RAP1GAP2: variants seen among roughly 807,000 people sequenced by gnomAD.
The protein encoded by RAP1GAP2 is RAP1 GTPase activating protein 2, also known as rap1 GTPase-activating protein 2.
In RAP1GAP2, 27 loss-of-function variants were observed where a neutral mutation model predicts 95.0. The ratio of observed to expected loss-of-function variants is 0.28; its 90% CI spans 0.21 to 0.39. The LOEUF (loss-of-function observed/expected upper bound fraction) is 0.39. Among genes scored for constraint, RAP1GAP2 ranks in the 10% least tolerant of loss-of-function variants. The pLI, the probability that RAP1GAP2 is intolerant of heterozygous loss-of-function variation, is 1.00. For missense variants in RAP1GAP2, 771 were observed against 970.0 expected (o/e 0.79, Z 2.72); for synonymous variants, 373 against 380.9 (o/e 0.98, Z 0.24).
chr17:2,998,210 T>C lies in RAP1GAP2; in HGVS notation c.1045-11T>C. ...TAACTGGCTTATAACCTCTCAACACTTTTTATTTAGCTCCAGAGAAAGAGA... is the reference window on the plus strand; with the variant it reads ...TAACTGGCTTATAACCTCTCAACACCTTTTATTTAGCTCCAGAGAAAGAGA... On this transcript the variant is annotated splice_polypyrimidine_tract_variant and intron_variant, in intron 13 of 24. Coordinates refer to ENST00000254695, the MANE Select transcript of RAP1GAP2 (RefSeq NM_015085.5). 1 of 1,612,854 alleles carries C rather than the reference T, an allele frequency of 6.2e-7. No homozygotes were observed. Among genetic ancestry groups the C allele is most frequent in the Non-Finnish European group, 8.5e-7 (1 of 1,178,924 alleles).
intron 2 of RAP1GAP2, among the ~76,000 whole-genome samples, chr17:2,883,070 G>A (rs1014859417): frequency 6.6e-6 from 1 of 152,216 alleles, no homozygotes; most frequent in Admixed American, 6.5e-5. Flanking sequence ...CTTGGTCGGG[G>A]TTATGTGAAG....
intron 4 of RAP1GAP2, among the ~76,000 whole-genome samples, chr17:2,958,420 T>C (rs534349122): frequency 1.3e-5 from 2 of 152,090 alleles, no homozygotes; most frequent in East Asian, 3.9e-4. Flanking sequence ...GCTGCTGCCC[T>C]GGGGAGTATG....
At chr17:2,893,909 C>T (rs73312056) in intron 2 of RAP1GAP2, among the ~76,000 whole-genome samples, 86 of 152,366 alleles carry the variant, frequency 5.6e-4, no homozygotes, top group African/African-American at 2.0e-3. Context: ...CCCTGAGCAC[C>T]GCCCTTCCAG....
chr17:2,781,004 A>C (rs2068632683), intron 1 of RAP1GAP2, among the ~76,000 whole-genome samples: 1 of 152,172 alleles, frequency 6.6e-6, no homozygotes, highest in African/African-American at 2.4e-5. Context: ...AGATGGTTCT[A>C]AGGGCATTCC....
chr17:3,010,678 T>C (rs1158261783), intron 17 of RAP1GAP2, among the ~76,000 whole-genome samples: 1 of 152,138 alleles, frequency 6.6e-6, no homozygotes, highest in Non-Finnish European at 1.5e-5. Flanking sequence ...GTCTGACGTA[T>C]TCCTAGAGGG....
intron 2 of RAP1GAP2, among the ~76,000 whole-genome samples, chr17:2,854,995 A>G (rs558281541): frequency 1.3e-5 from 2 of 152,268 alleles, no homozygotes; most frequent in South Asian, 4.1e-4. Context: ...TGGAATGGTT[A>G]ATACCGCACC....
intron 2 of RAP1GAP2, among the ~76,000 whole-genome samples, chr17:2,874,965 T>G (rs549266620): frequency 2.6e-5 from 4 of 152,258 alleles, no homozygotes; most frequent in African/African-American, 9.6e-5. Context: ...AGAAAATTAA[T>G]ATAGAGAGTT....
At chr17:2,828,644 C>G (rs2070695101) in intron 2 of RAP1GAP2, among the ~76,000 whole-genome samples, 1 of 152,130 alleles carries the variant, frequency 6.6e-6, no homozygotes, top group Non-Finnish European at 1.5e-5. Flanking sequence ...CCGGGCATGG[C>G]TGGGAGAGCA....
chr17:2,775,315 C>A (rs911641641), upstream of RAP1GAP2, among the ~76,000 whole-genome samples: 4 of 152,226 alleles, frequency 2.6e-5, no homozygotes, highest in East Asian at 7.7e-4. Context: ...ATATGACCAG[C>A]GTGCTGAAGA....
At chr17:2,859,444 A>C (rs989828034) in intron 2 of RAP1GAP2, among the ~76,000 whole-genome samples, 1 of 150,394 alleles carries the variant, frequency 6.6e-6, no homozygotes, top group Admixed American at 6.6e-5. Context: ...ATTTTAATTT[A>C]ATTTTTTTGG....
intron 2 of RAP1GAP2, among the ~76,000 whole-genome samples, chr17:2,835,809 T>C (rs1370259320): frequency 6.6e-6 from 1 of 152,228 alleles, no homozygotes; most frequent in Non-Finnish European, 1.5e-5. Context: ...ATGCTTCCTT[T>C]TTTTATTCCC....
rs186554148 is a variant in RAP1GAP2 at position 2,999,000 on chromosome 17, A to G, written c.1200+624A>G. On this transcript the variant is annotated intron_variant, in intron 14 of 24. Transcript: ENST00000254695. ...GCCTGGTAGACCCTGGCCACTGGGT[A>G]AGGCCCTGGCCTGGCTGTTTTGGAC... Among the ~76,000 whole-genome samples the G allele has an allele frequency of 5.1e-4, 78 of 152,282 alleles. 2 individuals carry two copies. Among genetic ancestry groups the G allele is most frequent in the East Asian group, 2.1e-3 (11 of 5,186 alleles).
intron 1 of RAP1GAP2, among the ~76,000 whole-genome samples, chr17:2,784,901 C>G (rs971891683): frequency 6.6e-6 from 1 of 152,222 alleles, no homozygotes; most frequent in Non-Finnish European, 1.5e-5. Context: ...CCCACCAGAC[C>G]CCCATCTTTA....
At chr17:2,770,342 G>C (rs1326301740) in exon 2 of RAP1GAP2, 1 of 398,676 alleles carries the variant, frequency 2.5e-6, no homozygotes, top group Non-Finnish European at 4.4e-6. Context: ...CGTGCAGGAA[G>C]GGCGGTTCCG....
intron 2 of RAP1GAP2, among the ~76,000 whole-genome samples, chr17:2,862,038 C>T (rs919925385): frequency 6.6e-6 from 1 of 152,120 alleles, no homozygotes; most frequent in African/African-American, 2.4e-5. Flanking sequence ...TTCTTTCCTT[C>T]TGGAAGAGAT....
intron 2 of RAP1GAP2, among the ~76,000 whole-genome samples, chr17:2,847,599 G>A (rs1041737481): frequency 4.0e-4 from 61 of 152,260 alleles, no homozygotes; most frequent in Non-Finnish European, 7.6e-4. Flanking sequence ...GCTGGTTCTC[G>A]CTTTGAAAGA....
At chr17:2,826,147 A>ATT (rs71150901) in intron 2 of RAP1GAP2, among the ~76,000 whole-genome samples, 15,957 of 108,766 alleles carry the variant, frequency 0.15, 1,272 homozygotes, top group Admixed American at 0.22. Context: ...CGCCCAGCAA[A>ATT]TTTTTTTTTT....
intron 3 of RAP1GAP2, among the ~76,000 whole-genome samples, chr17:2,928,929 T>C (rs925328794): frequency 6.6e-6 from 1 of 151,986 alleles, no homozygotes; most frequent in Non-Finnish European, 1.5e-5. Context: ...ACTGGCTGGG[T>C]GGAGCTTCCA....
chr17:2,886,463 G>A (rs540357520), intron 2 of RAP1GAP2, among the ~76,000 whole-genome samples: 8 of 152,084 alleles, frequency 5.3e-5, no homozygotes, highest in East Asian at 1.9e-4. Context: ...GTGAGCCACC[G>A]TGCCCGGCCA....
Sources: allele counts gnomAD v4.1 joint callset (sites outside exome capture counted in the v4.1 genomes callset), GRCh38; gene constraint gnomAD v4.1.1; transcripts MANE v1.5; gene names NCBI Gene and HGNC (gene_info 2026-07-23, HGNC 2026-07-21).